GLYCTK: variants seen among roughly 807,000 people sequenced by gnomAD.
The protein encoded by GLYCTK is glycerate kinase.
GLYCTK carries 22 observed loss-of-function variants against 24.8 expected under a neutral mutation model. That is an observed-to-expected ratio of 0.89 (90% CI 0.63 to 1.27). The LOEUF (loss-of-function observed/expected upper bound fraction) is 1.27, where lower values mean the gene tolerates loss of function less well. Among genes scored for constraint, GLYCTK ranks in the 50% most tolerant of loss-of-function variants. The probability of loss-of-function intolerance (pLI) is 0.00; values close to 1 mark genes in which losing one functional copy is unlikely to be tolerated. For synonymous variants in GLYCTK, 320 were observed against 297.2 expected (o/e 1.08, Z -0.79); for missense variants, 684 against 686.7 (o/e 1.00, Z 0.04).
intron 2 of GLYCTK, 84 bp downstream of exon 2, chr3:52,290,803 C>A: frequency 6.3e-7 from 1 of 1,581,900 alleles, no homozygotes. Context: ...GGCCTCCCCT[C>A]CCCACCCGCT....
Position 52,291,043 on chromosome 3 carries a change from C to G in GLYCTK, c.461C>G (p.Ala154Gly). The G allele has an allele frequency of 4.3e-6, 7 of 1,613,706 alleles. No homozygotes were observed. Among genetic ancestry groups the G allele is most frequent in the Non-Finnish European group, 5.1e-6 (6 of 1,180,006 alleles). The change falls in exon 3 of 5, where the codon GCT becomes GGT. Residue 154 changes from alanine to glycine, a missense_variant. Ala to Gly is a moderately conservative substitution (Grantham distance 60, BLOSUM62 0). Coordinates refer to ENST00000436784, the MANE Select transcript of GLYCTK (RefSeq NM_145262.4). ...CTCCCGGACCGCGATGCGCTGCGGGCTGCACTGGCCATCCAGCAACTGGCT... is the reference window on the plus strand; with the variant it reads ...CTCCCGGACCGCGATGCGCTGCGGGGTGCACTGGCCATCCAGCAACTGGCT... Reference protein sequence around the residue: ...DNLPDRDALRAALAIQQLAEG... With the variant: ...DNLPDRDALRGALAIQQLAEG...
intron 2 of GLYCTK, 88 bp downstream of exon 2, chr3:52,290,807 A>G: frequency 6.3e-7 from 1 of 1,581,958 alleles, no homozygotes; most frequent in East Asian, 2.3e-5. Context: ...TCCCCTCCCC[A>G]CCCGCTTCCC....
chr3:52,288,971 C>T (rs1355752579), intron 1 of GLYCTK: 2 of 152,290 alleles, frequency 1.3e-5, no homozygotes, highest in East Asian at 1.9e-4. Context: ...TAGAAGTAAC[C>T]ACCATATTTG....
chr3:52,289,740 C>T (rs1426008933), intron 1 of GLYCTK, among the ~76,000 whole-genome samples: 6 of 152,218 alleles, frequency 3.9e-5, no homozygotes, highest in African/African-American at 1.4e-4. Context: ...CCTGCAGCCT[C>T]CTATAGACCC....
rs1477378372 is a variant in GLYCTK, at chr3:52,294,768, A to G, written c.*1642A>G. The G allele has an allele frequency of 2.2e-6, 1 of 452,028 alleles. No individual in the cohort carries two copies. The highest frequency in any genetic ancestry group is 4.4e-6 in the Non-Finnish European group (1 of 225,282). 28.0% of individuals were successfully genotyped at this position (452,028 alleles called of 1,614,324 possible). ...GCATGAGTATTGGCACTGGGTTCCA[A>G]GTTCCAGGCAAAAGCAGGATAGGAG... On this transcript the variant is annotated 3_prime_UTR_variant, in exon 5 of 5. Transcript: ENST00000436784.
rs574019727 is a variant in GLYCTK at position 52,287,874 on chromosome 3, C to T, written c.-42C>T. On this transcript the variant is annotated splice_region_variant and 5_prime_UTR_variant, in exon 1 of 5. Coordinates refer to ENST00000436784, the MANE Select transcript of GLYCTK (RefSeq NM_145262.4). ...TGGGCACCGCGGCCGGAGCTGTGGG[C>T]TGGTAAGTCTGCGCCGCCAGGGCTC... The T allele has an allele frequency of 1.6e-4, 74 of 451,166 alleles. 1 individual carries two copies. The highest frequency in any genetic ancestry group is 7.8e-4 in the South Asian group (50 of 64,356). The allele number at this position is 451,166 out of a possible 1,614,324, so 27.9% of individuals were successfully genotyped here. A position where few individuals can be genotyped will look rare whatever the true frequency, so the allele number is the denominator to read the frequency against.
In GLYCTK at chr3:52,294,087, C is replaced by T. The variant is rs752639041; in HGVS notation, c.*961C>T. On this transcript the variant is annotated 3_prime_UTR_variant, in exon 5 of 5. Transcript: ENST00000436784. ...CCACACCTCTTCCTGTGACCACTGGCGGGAGAAGAGGCAAGTGGGAATAGA... is the reference window on the plus strand; with the variant it reads ...CCACACCTCTTCCTGTGACCACTGGTGGGAGAAGAGGCAAGTGGGAATAGA... 1.2e-4 allele frequency: 63 copies of T among 512,052 alleles called. 1 individual carries two copies. Among genetic ancestry groups the T allele is most frequent in the South Asian group, 6.1e-4 (43 of 69,972 alleles). 31.7% of individuals were successfully genotyped at this position (512,052 alleles called of 1,614,324 possible). A position where few individuals can be genotyped will look rare whatever the true frequency, so the allele number is the denominator to read the frequency against.
Position 52,293,819 on chromosome 3 carries a change from C to G in GLYCTK, c.*693C>G, listed in dbSNP as rs1364274392. ...GCTTCTCCAGCCTCAGCTTGTAGGCCTCGTTGGATGGATGTCCTTTCTGTC... is the reference window on the plus strand; with the variant it reads ...GCTTCTCCAGCCTCAGCTTGTAGGCGTCGTTGGATGGATGTCCTTTCTGTC... On this transcript the variant is annotated 3_prime_UTR_variant, in exon 5 of 5. Transcript: ENST00000436784. 4.4e-6 allele frequency: 2 copies of G among 454,070 alleles called. No individual in the cohort carries two copies. The highest frequency in any genetic ancestry group is 4.7e-5 in the Admixed American group (2 of 42,566). 28.1% of individuals were successfully genotyped at this position (454,070 alleles called of 1,614,324 possible).
chr3:52,292,798 A>T lies in GLYCTK; in HGVS notation c.1244A>T (p.Gln415Leu). ...LAGGEPTVQL[Q>L]GSGRGGRNQE... The stretch of plus-strand genomic sequence containing the variant: ...GGTGGCGAGCCCACAGTACAGCTGC[A>T]GGGCTCGGGCAGGGGTGGCCGGAAC... The change falls in exon 5 of 5, where the codon CAG becomes CTG. Residue 415 changes from glutamine to leucine, a missense_variant. Transcript: ENST00000436784. 1.2e-6 allele frequency: 2 copies of T among 1,611,260 alleles called. No individual in the cohort carries two copies. Among genetic ancestry groups the T allele is most frequent in the Non-Finnish European group, 1.7e-6 (2 of 1,178,916 alleles).
Position 52,294,261 on chromosome 3 carries a change from G to A in GLYCTK, c.*1135G>A, listed in dbSNP as rs1243465754. ...ACGGCTCCAATCCCTATATGAGTGA[G>A]CAGTAGAATCACATAGGAATAAAAA... On this transcript the variant is annotated 3_prime_UTR_variant, in exon 5 of 5. Coordinates refer to ENST00000436784, the MANE Select transcript of GLYCTK (RefSeq NM_145262.4). 7.5e-6 allele frequency: 4 copies of A among 534,682 alleles called. No homozygotes were observed. The highest frequency in any genetic ancestry group is 1.2e-5 in the Non-Finnish European group (3 of 260,108). The allele number at this position is 534,682 out of a possible 1,614,324, so 33.1% of individuals were successfully genotyped here. A position where few individuals can be genotyped will look rare whatever the true frequency, so the allele number is the denominator to read the frequency against.
At chr3:52,292,038 A>G in intron 4 of GLYCTK, 116 bp downstream of exon 4, 2 of 1,208,420 alleles carry the variant, frequency 1.7e-6, no homozygotes, top group Non-Finnish European at 2.4e-6. Flanking sequence ...GTGAAAGACC[A>G]TGGGGCCGGC....
Position 52,294,176 on chromosome 3 carries a change from T to A in GLYCTK, c.*1050T>A. 1.9e-6 allele frequency: 1 copy of A among 533,910 alleles called. No individual in the cohort carries two copies. The highest frequency in any genetic ancestry group is 3.8e-6 in the Non-Finnish European group (1 of 259,882). 33.1% of individuals were successfully genotyped at this position (533,910 alleles called of 1,614,324 possible). ...GAGAGGGAGGTGCCACTGTCCTGCC[T>A]CCTTTTGAGCCCCCTTGCTCAGTGT... On this transcript the variant is annotated 3_prime_UTR_variant, in exon 5 of 5. Coordinates refer to ENST00000436784, the MANE Select transcript of GLYCTK (RefSeq NM_145262.4).
chr3:52,293,682 C>G lies in GLYCTK; in HGVS notation c.*556C>G. On this transcript the variant is annotated 3_prime_UTR_variant, in exon 5 of 5. Coordinates refer to ENST00000436784, the MANE Select transcript of GLYCTK (RefSeq NM_145262.4). ...GAGGGTTGAGCTTGGCTCCTGACAG[C>G]TTTGATGTGCGTGAGCAGAGACCCC... is the stretch of plus-strand genomic sequence containing the variant. The G allele has an allele frequency of 2.2e-6, 1 of 454,228 alleles. No individual in the cohort carries two copies. Among genetic ancestry groups the G allele is most frequent in the Non-Finnish European group, 4.4e-6 (1 of 226,854 alleles). 28.1% of individuals were successfully genotyped at this position (454,228 alleles called of 1,614,324 possible).
At chr3:52,288,022 G>T (rs1700340190) in intron 1 of GLYCTK, 146 bp downstream of exon 1, 1 of 297,938 alleles carries the variant, frequency 3.4e-6, no homozygotes, top group Non-Finnish European at 7.1e-6. Flanking sequence ...CCCTACCTTA[G>T]GATGACGTCA....
intron 4 of GLYCTK, 71 bp from the exon 5 acceptor site, chr3:52,292,189 G>T (rs1461520119): frequency 1.8e-5 from 29 of 1,588,864 alleles, no homozygotes; most frequent in Non-Finnish European, 1.7e-5. Flanking sequence ...TACCCTAGGG[G>T]CAGTTTGTCC....
Position 52,290,734 on chromosome 3 carries a change from G to A in GLYCTK, c.377+15G>A, listed in dbSNP as rs1410086157. On this transcript the variant is annotated intron_variant, in intron 2 of 4. Transcript: ENST00000436784. The stretch of plus-strand genomic sequence containing the variant: ...GCCGGCAAGCAGTAAGGAGCCATGG[G>A]GGCCTGCCTCCCTCTATCTATCTGG... The A allele has an allele frequency of 6.2e-7, 1 of 1,607,790 alleles. No individual in the cohort carries two copies. The highest frequency in any genetic ancestry group is 2.2e-5 in the East Asian group (1 of 44,756).
Position 52,293,141 on chromosome 3 carries a change from T to A in GLYCTK, c.*15T>A. Reference sequence around the variant, plus strand: ...GGCCTCGGTGATGGCATAGGTCACATTTTGGGAGTTCAGAGGAGGCCTACA... The same window carrying A: ...GGCCTCGGTGATGGCATAGGTCACAATTTGGGAGTTCAGAGGAGGCCTACA... On this transcript the variant is annotated 3_prime_UTR_variant, in exon 5 of 5. Coordinates refer to ENST00000436784, the MANE Select transcript of GLYCTK (RefSeq NM_145262.4). 6.2e-7 allele frequency: 1 copy of A among 1,612,874 alleles called. No homozygotes were observed. Among genetic ancestry groups the A allele is most frequent in the Non-Finnish European group, 8.5e-7 (1 of 1,179,994 alleles).
At position 52,290,461 on chromosome 3, in the gene GLYCTK, A is replaced by T; in HGVS notation, c.119A>T (p.Gln40Leu). The T allele has an allele frequency of 1.2e-6, 2 of 1,612,962 alleles. No homozygotes were observed. Among genetic ancestry groups the T allele is most frequent in the Non-Finnish European group, 1.7e-6 (2 of 1,180,010 alleles). Residue 40 changes from glutamine (Q) to leucine (L), a missense_variant, in exon 2 of 5, where the codon CAG becomes CTG. By Grantham distance (113) the Gln-to-Leu change is moderately radical (BLOSUM62 -2). Coordinates refer to ENST00000436784, the MANE Select transcript of GLYCTK (RefSeq NM_145262.4). ...ATGGCCTTGGCAGAGCAGGCCAGGC[A>T]GCTGTTTGAGAGTGCTGTAGGTGCA... ...SSMALAEQAR[Q>L]LFESAVGAVL...
Position 52,292,686 on chromosome 3 carries a change from G to T in GLYCTK, c.1132G>T (p.Ala378Ser), listed in dbSNP as rs1186216170. The T allele has an allele frequency of 6.2e-7, 1 of 1,606,372 alleles. No individual in the cohort carries two copies. The highest frequency in any genetic ancestry group is 8.5e-7 in the Non-Finnish European group (1 of 1,174,680). The change falls in exon 5 of 5, where the codon GCA becomes TCA. Residue 378 changes from alanine to serine, a missense_variant. By Grantham distance (99) the Ala-to-Ser change is moderately conservative. Coordinates refer to ENST00000436784, the MANE Select transcript of GLYCTK (RefSeq NM_145262.4). ...VEEDAQLHEL[A>S]AELQIPDLQL... The stretch of plus-strand genomic sequence containing the variant: ...GGAAGATGCACAGCTCCATGAGCTG[G>T]CAGCTGAGCTTCAGATCCCAGACCT...
Sources: allele counts gnomAD v4.1 joint callset (sites outside exome capture counted in the v4.1 genomes callset), GRCh38; gene constraint gnomAD v4.1.1; transcripts MANE v1.5; gene names NCBI Gene and HGNC (gene_info 2026-07-23, HGNC 2026-07-21).